The following EDIL3 variants were observed in gnomAD, a reference collection of about 807,000 sequenced individuals.
EDIL3 encodes EGF like and discoidin domains 3, also known as EGF-like repeat and discoidin I-like domain-containing protein 3.
In EDIL3, 37 loss-of-function variants were observed where a neutral mutation model predicts 67.4. The observed-to-expected ratio is 0.55, with a 90% CI of 0.42 to 0.72. EDIL3 has a LOEUF of 0.72. EDIL3 is among the 30% of genes least tolerant of loss of function. The pLI is 0.00. For synonymous variants in EDIL3, 195 were observed against 196.3 expected, an observed-to-expected ratio of 0.99 and a Z score of 0.05; for missense variants, 527 against 586.3, an observed-to-expected ratio of 0.90 and a Z score of 1.04.
intron 1 of EDIL3, among the ~76,000 whole-genome samples, chr5:84,318,900 T>G (rs994367165): frequency 2.6e-5 from 4 of 152,072 alleles, no homozygotes; most frequent in Non-Finnish European, 5.9e-5. Flanking sequence ...ATTTTTGTAA[T>G]CTATCCATCT....
At chr5:84,091,090 C>T (rs544327191) in intron 6 of EDIL3, among the ~76,000 whole-genome samples, 1 of 152,272 alleles carries the variant, frequency 6.6e-6, no homozygotes, top group South Asian at 2.1e-4. Context: ...AGGGAACTAC[C>T]AAGAGTTGTC....
At chr5:84,338,888 C>T (rs1387980765) in intron 1 of EDIL3, among the ~76,000 whole-genome samples, 1 of 152,154 alleles carries the variant, frequency 6.6e-6, no homozygotes, top group Non-Finnish European at 1.5e-5. Flanking sequence ...TAATGCTCTG[C>T]TGTCACCATT....
intron 5 of EDIL3, among the ~76,000 whole-genome samples, chr5:84,110,104 T>C (rs1470570038): frequency 1.3e-5 from 2 of 152,194 alleles, no homozygotes; most frequent in East Asian, 1.9e-4. Context: ...TAGATGCTCA[T>C]GGTGGCTTGT....
At chr5:84,110,492 T>C (rs1265780403) in intron 5 of EDIL3, among the ~76,000 whole-genome samples, 2 of 152,218 alleles carry the variant, frequency 1.3e-5, no homozygotes, top group African/African-American at 4.8e-5. Flanking sequence ...ACATTGCTTT[T>C]ACTATCAACA....
intron 1 of EDIL3, among the ~76,000 whole-genome samples, chr5:84,375,012 A>G (rs1168598504): frequency 2.0e-5 from 3 of 147,282 alleles, no homozygotes; most frequent in African/African-American, 7.6e-5. Flanking sequence ...TCTCTCTGTC[A>G]CCAAGCTGAA....
intron 1 of EDIL3, among the ~76,000 whole-genome samples, chr5:84,313,987 G>C (rs1321598652): frequency 6.6e-6 from 1 of 152,090 alleles, no homozygotes; most frequent in Non-Finnish European, 1.5e-5. Flanking sequence ...CCTGAAGTCA[G>C]GAGTTTCAGA....
chr5:83,960,575 A>C (rs1230778484), intron 10 of EDIL3, among the ~76,000 whole-genome samples: 1 of 151,116 alleles, frequency 6.6e-6, no homozygotes, highest in Non-Finnish European at 1.5e-5. Context: ...TGTTATAATA[A>C]TTATAGTTCC....
intron 1 of EDIL3, among the ~76,000 whole-genome samples, chr5:84,320,797 G>A (rs1343666602): frequency 6.6e-6 from 1 of 152,124 alleles, no homozygotes; most frequent in East Asian, 1.9e-4. Context: ...AAAGGGCCTA[G>A]CTTTCTTCCA....
At chr5:84,174,646 T>C (rs1265432410) in intron 4 of EDIL3, among the ~76,000 whole-genome samples, 1 of 152,102 alleles carries the variant, frequency 6.6e-6, no homozygotes, top group Admixed American at 6.5e-5. Context: ...TCTGGTTAGA[T>C]GTTAGGCAGA....
At chr5:84,162,063 T>A (rs960875276) in intron 4 of EDIL3, among the ~76,000 whole-genome samples, 2 of 152,062 alleles carry the variant, frequency 1.3e-5, no homozygotes, top group Non-Finnish European at 2.9e-5. Flanking sequence ...ATGTCACTGA[T>A]CCCAGGTGTG....
chr5:84,094,332 AG>A (rs1294879805), intron 6 of EDIL3, among the ~76,000 whole-genome samples: 1 of 152,204 alleles, frequency 6.6e-6, no homozygotes, highest in African/African-American at 2.4e-5. Context: ...ATTAATGTCC[AG>A]ATATAATTAG....
chr5:84,262,659 GTTTTTTTTTTTTTTTTT>G (rs773035274), intron 1 of EDIL3, among the ~76,000 whole-genome samples: 3 of 46,312 alleles, frequency 6.5e-5, no homozygotes, highest in African/African-American at 8.7e-5. Flanking sequence ...AGGTTGGTTG[GTTTTTTTTTTTTTTTTT>G]TTTTTTTTTT....
intron 2 of EDIL3, among the ~76,000 whole-genome samples, chr5:84,248,950 G>A (rs1469749210): frequency 6.6e-6 from 1 of 151,958 alleles, no homozygotes; most frequent in Non-Finnish European, 1.5e-5. Flanking sequence ...GCTGTAATTT[G>A]TTTTCCATAT....
intron 9 of EDIL3, among the ~76,000 whole-genome samples, chr5:84,054,043 G>A (rs1380682605): frequency 2.6e-5 from 4 of 152,154 alleles, no homozygotes; most frequent in Non-Finnish European, 2.9e-5. Flanking sequence ...GATGAACATC[G>A]ATGCAAAAAT....
In EDIL3 at chr5:84,060,448, A is replaced by G. The variant is rs1746521648; in HGVS notation, c.989T>C (p.Ile330Thr). The change falls in exon 9 of 11, where the codon ATA becomes ACA. Residue 330 changes from isoleucine (I) to threonine (T), a missense_variant. Around this residue, in one of 2 missense-constraint regions of EDIL3, gnomAD observed 494 missense variants for 522.5 expected, o/e 0.95. Coordinates refer to ENST00000296591, the MANE Select transcript of EDIL3 (RefSeq NM_005711.5). ...SEPLGMKSGH[I>T]QDYQITASSI... Reference sequence around the variant, plus strand: ...GGAGGCAGTGATCTGATAGTCTTGTATATGTCCTGATTTCATACCCAGAGG... The same window carrying G: ...GGAGGCAGTGATCTGATAGTCTTGTGTATGTCCTGATTTCATACCCAGAGG... The G allele has an allele frequency of 4.3e-6, 7 of 1,613,758 alleles. No individual in the cohort carries two copies. Among genetic ancestry groups the G allele is most frequent in the Non-Finnish European group, 5.9e-6 (7 of 1,179,808 alleles).
chr5:84,131,624 A>T (rs1309152431), intron 5 of EDIL3, among the ~76,000 whole-genome samples: 1 of 152,202 alleles, frequency 6.6e-6, no homozygotes, highest in African/African-American at 2.4e-5. Flanking sequence ...AAATGGAATC[A>T]GTAGTAAAGA....
At position 83,942,693 on chromosome 5, in the gene EDIL3, G is replaced by A. The variant is rs1289894111; in HGVS notation, c.*726C>T. On this transcript the variant is annotated 3_prime_UTR_variant, in exon 11 of 11. Transcript: ENST00000296591. The stretch of plus-strand genomic sequence containing the variant: ...TTAAATACAGATCAATCTACTGATA[G>A]GCAGTCATGTTCTACATATATGAGT... 3 of 151,902 alleles carry A rather than the reference G, an allele frequency of 2.0e-5. No homozygotes were observed. In the East Asian group the frequency reaches 5.8e-4, roughly 29 times the overall value. 9.4% of individuals were successfully genotyped at this position (151,902 alleles called of 1,614,324 possible).
intron 9 of EDIL3, among the ~76,000 whole-genome samples, chr5:84,014,744 A>G (rs1407803228): frequency 2.0e-5 from 3 of 152,236 alleles, no homozygotes; most frequent in Non-Finnish European, 4.4e-5. Flanking sequence ...ACATGAAAAT[A>G]CCACTTTAAC....
chr5:84,016,135 C>A lies in EDIL3; in HGVS notation c.1137+44165G>T, dbSNP rs376295481. Among the ~76,000 whole-genome samples, 75 of 152,222 alleles carry A rather than the reference C, an allele frequency of 4.9e-4. 1 individual carries two copies. Among genetic ancestry groups the A allele is most frequent in the African/African-American group, 1.8e-3 (74 of 41,542 alleles). ...TTTAGCTTCCATTTATAAATGAGAA[C>A]ATGTGGTACTTGGTTTTCTAGGGAA... is the stretch of plus-strand genomic sequence containing the variant. On this transcript the variant is annotated intron_variant, in intron 9 of 10. Coordinates refer to ENST00000296591, the MANE Select transcript of EDIL3 (RefSeq NM_005711.5).
Sources: gnomAD v4.1 joint callset for allele counts (sites outside exome capture counted in the v4.1 genomes callset) on GRCh38, gnomAD v4.1.1 for gene constraint, gnomAD v4.1.1 regional missense constraint, MANE v1.5 for transcripts, NCBI Gene and HGNC (gene_info 2026-07-23, HGNC 2026-07-21) for gene names.